Variants in TBX20 observed in about 807,000 individuals in gnomAD.
The protein encoded by TBX20 is T-box transcription factor 20.
Under a neutral mutation model 42.9 loss-of-function variants are expected in TBX20, and 8 were observed. The observed-to-expected ratio is 0.19, with a 90% CI of 0.11 to 0.34. TBX20 has a LOEUF of 0.34. TBX20 is among the 10% of genes least tolerant of loss of function. TBX20 has a pLI of 1.00. For synonymous variants in TBX20, 198 were observed against 222.8 expected (o/e 0.89, Z 0.99); for missense variants, 411 against 566.0 (o/e 0.73, Z 2.78).
chr7:35,241,782 C>CTTG (rs1393910845), intron 4 of TBX20, among the ~76,000 whole-genome samples: 2 of 152,292 alleles, frequency 1.3e-5, no homozygotes, highest in African/African-American at 4.8e-5. Flanking sequence ...ACTCAGAAAT[C>CTTG]ATAAACACAC....
At chr7:35,218,950 T>G (rs1789635264) in intron 6 of TBX20, among the ~76,000 whole-genome samples, 1 of 152,194 alleles carries the variant, frequency 6.6e-6, no homozygotes, top group South Asian at 2.1e-4. Context: ...GTGCATGTCC[T>G]CACCAGATGC....
chr7:35,253,396 T>C (rs1222142626), intron 1 of TBX20, 98 bp downstream of exon 1: 6 of 1,421,930 alleles, frequency 4.2e-6, no homozygotes, highest in Non-Finnish European at 5.8e-6. Flanking sequence ...GCTCATGGCT[T>C]GAGCATCAGA....
chr7:35,203,015 C>T (rs1789332572), intron 7 of TBX20, among the ~76,000 whole-genome samples: 3 of 152,146 alleles, frequency 2.0e-5, no homozygotes, highest in African/African-American at 7.2e-5. Flanking sequence ...ATAGCCTGTA[C>T]ACTCCCACAG....
intron 6 of TBX20, among the ~76,000 whole-genome samples, chr7:35,230,692 T>C (rs1789852280): frequency 6.6e-6 from 1 of 152,108 alleles, no homozygotes; most frequent in Non-Finnish European, 1.5e-5. Context: ...GTGCAGCAGT[T>C]AGTAGGGAAA....
intron 6 of TBX20, among the ~76,000 whole-genome samples, chr7:35,231,267 G>A (rs1789861099): frequency 6.6e-6 from 1 of 152,148 alleles, no homozygotes; most frequent in African/African-American, 2.4e-5. Context: ...TTTTATAGTA[G>A]AATAAATGTC....
rs79990622 is a variant in TBX20, at chr7:35,250,034, T to C, written c.297A>G (p.Lys99=). The C allele has an allele frequency of 3.0e-4, 481 of 1,613,812 alleles. 1 individual carries two copies. In the African/African-American group the frequency reaches 5.8e-3, roughly 19 times the overall value. ...TPIIPSEEMA[K]IACSLETKEL... Reference sequence around the variant, plus strand: ...CCTTGGTCTCCAGGCTGCAGGCAATTTTGGCCATTTCCTCACTGGGGATGA... The same window carrying C: ...CCTTGGTCTCCAGGCTGCAGGCAATCTTGGCCATTTCCTCACTGGGGATGA... The change falls in exon 2 of 8, where the codon AAA becomes AAG. Residue 99 remains lysine, a synonymous_variant. Coordinates refer to ENST00000408931, the MANE Select transcript of TBX20 (RefSeq NM_001077653.2).
chr7:35,218,133 A>G (rs1789621546), intron 6 of TBX20, among the ~76,000 whole-genome samples: 2 of 152,226 alleles, frequency 1.3e-5, no homozygotes, highest in South Asian at 4.1e-4. Context: ...TTCTTTCCCA[A>G]GAAGCTGTGC....
rs1478363374 is a variant in TBX20, at chr7:35,249,947, C to A, written c.380+4G>T. ...CCAACCCCCAACCCCCAAGTCCCAA[C>A]TACCTGCCCGACTTGGTGATGATCA... On this transcript the variant is annotated splice_donor_region_variant and intron_variant, in intron 2 of 7. Coordinates refer to ENST00000408931, the MANE Select transcript of TBX20 (RefSeq NM_001077653.2). The surrounding 1 kb of genome is among the most constrained non-coding windows in gnomAD (Gnocchi z 4.3). The A allele has an allele frequency of 1.9e-6, 3 of 1,599,230 alleles. No individual in the cohort carries two copies.
At chr7:35,213,555 C>G (rs1258705570) in intron 6 of TBX20, among the ~76,000 whole-genome samples, 1 of 152,020 alleles carries the variant, frequency 6.6e-6, no homozygotes, top group Non-Finnish European at 1.5e-5. Context: ...AAAAGAACTG[C>G]TGGTCTAACA....
chr7:35,226,664 A>C (rs1789776226), intron 6 of TBX20, among the ~76,000 whole-genome samples: 1 of 152,186 alleles, frequency 6.6e-6, no homozygotes, highest in Non-Finnish European at 1.5e-5. Flanking sequence ...GTGGTCCCCT[A>C]ACATCAGAAC....
At chr7:35,211,433 C>T (rs544058747) in intron 6 of TBX20, among the ~76,000 whole-genome samples, 6 of 152,094 alleles carry the variant, frequency 3.9e-5, no homozygotes, top group Non-Finnish European at 8.8e-5. Flanking sequence ...GTGAATTCTT[C>T]GCCTTTTGTA....
chr7:35,227,928 T>TTTA (rs1789803504), intron 6 of TBX20, among the ~76,000 whole-genome samples: 1 of 152,184 alleles, frequency 6.6e-6, no homozygotes, highest in East Asian at 1.9e-4. Context: ...TGTCACTGAA[T>TTTA]TGTACACTTT....
intron 1 of TBX20, among the ~76,000 whole-genome samples, chr7:35,252,336 G>C (rs1421363779): frequency 1.3e-5 from 2 of 151,828 alleles, no homozygotes; most frequent in South Asian, 4.2e-4. Context: ...GATGGGAGGT[G>C]GGTGGGAAGA....
chr7:35,203,860 C>T (rs529131530), intron 7 of TBX20, among the ~76,000 whole-genome samples: 2 of 152,300 alleles, frequency 1.3e-5, no homozygotes, highest in East Asian at 1.9e-4. Flanking sequence ...CCCATACGAA[C>T]TTTACTGTTC....
intron 5 of TBX20, among the ~76,000 whole-genome samples, chr7:35,234,521 A>T (rs1201388327): frequency 3.3e-5 from 5 of 152,322 alleles, no homozygotes; most frequent in African/African-American, 1.2e-4. Flanking sequence ...TTCTCTCATT[A>T]TGAGAATTAT....
intron 6 of TBX20, among the ~76,000 whole-genome samples, chr7:35,210,116 T>C (rs956226677): frequency 2.6e-4 from 19 of 72,646 alleles, no homozygotes; most frequent in Non-Finnish European, 4.8e-4. Context: ...AATATTTTCT[T>C]TTTTTTTTTT....
intron 3 of TBX20, among the ~76,000 whole-genome samples, chr7:35,245,784 A>G (rs772377337): frequency 6.6e-6 from 1 of 152,186 alleles, no homozygotes; most frequent in Non-Finnish European, 1.5e-5. Context: ...AAGCTCTCAC[A>G]TCTTTTACGC....
At chr7:35,232,968 C>T (rs1452352134) in intron 5 of TBX20, among the ~76,000 whole-genome samples, 2 of 152,088 alleles carry the variant, frequency 1.3e-5, no homozygotes, top group African/African-American at 2.4e-5. Flanking sequence ...TGCAGTGAGC[C>T]GAGATCGCGC....
rs779622893 is a variant in TBX20 at position 35,202,584 on chromosome 7, A to G, written c.1190T>C (p.Leu397Pro). ...LPPYSRLGMP[L>P]TPSAIASSMQ... ...GGAGCTGGCAATGGCCGATGGTGTC[A>G]GAGGCATTCCCAGTCGGCTATATGG... Residue 397 changes from leucine to proline, a missense_variant, in exon 8 of 8, where the codon CTG (leucine) becomes CCG (proline). Leu to Pro is a moderately conservative substitution (Grantham distance 98, BLOSUM62 -3). Transcript: ENST00000408931. The G allele has an allele frequency of 1.9e-6, 3 of 1,614,122 alleles. No homozygotes were observed. Among genetic ancestry groups the G allele is most frequent in the Non-Finnish European group, 2.5e-6 (3 of 1,179,978 alleles).
Sources: gnomAD v4.1 joint callset for allele counts (sites outside exome capture counted in the v4.1 genomes callset) on GRCh38, gnomAD v4.1.1 for gene constraint, Gnocchi (gnomAD v3.1) non-coding constraint, MANE v1.5 for transcripts, NCBI Gene and HGNC (gene_info 2026-07-23, HGNC 2026-07-21) for gene names.